LIMA1: variants seen among roughly 807,000 people sequenced by gnomAD.
The protein encoded by LIMA1 is LIM domain and actin binding 1, also known as LIM domain and actin-binding protein 1.
In LIMA1, 52 loss-of-function variants were observed where a neutral mutation model predicts 62.6. The observed-to-expected ratio is 0.83, with a 90% CI of 0.67 to 1.05. The LOEUF is 1.05. Ranked by LOEUF, LIMA1 falls within the 50% of genes least tolerant of loss-of-function variation. The pLI, the probability that LIMA1 is intolerant of heterozygous loss-of-function variation, is 0.00. For missense variants in LIMA1, 780 were observed against 902.2 expected, an observed-to-expected ratio of 0.86 and a Z score of 1.74; for synonymous variants, 302 against 317.8, an observed-to-expected ratio of 0.95 and a Z score of 0.53.
At chr12:50,220,373 T>C (rs1941420616) in intron 4 of LIMA1, 1 of 152,184 alleles carries the variant, frequency 6.6e-6, no homozygotes, top group African/African-American at 2.4e-5. Context: ...TAAGATCTTA[T>C]ATGGAAAGTT....
intron 2 of LIMA1, among the ~76,000 whole-genome samples, chr12:50,232,373 C>CT (rs112911088): frequency 0.021 from 2,946 of 137,054 alleles, 63 homozygotes; most frequent in African/African-American, 0.056. Flanking sequence ...TTTCTTTTTT[C>CT]TTTTTTTTTT....
chr12:50,250,157 G>C (rs896045466), intron 1 of LIMA1, among the ~76,000 whole-genome samples: 2 of 151,892 alleles, frequency 1.3e-5, no homozygotes, highest in African/African-American at 4.8e-5. Context: ...AATTAGCCAG[G>C]AGTGGTAGCG....
At chr12:50,185,772 C>T (rs1940617662) in intron 9 of LIMA1, 1 of 236,708 alleles carries the variant, frequency 4.2e-6, no homozygotes, top group African/African-American at 2.3e-5. Flanking sequence ...AGAGCCTTCA[C>T]CCACATGGAG....
chr12:50,235,427 G>A lies in LIMA1; in HGVS notation c.120-3717C>T, dbSNP rs554789979. On this transcript the variant is annotated intron_variant, in intron 2 of 10. Transcript: ENST00000341247. ...ATTACAGGTGTGCACCGCTATGCCC[G>A]GCTAATTTTTGTTTTTTTACTAGAG... Among the ~76,000 whole-genome samples the A allele has an allele frequency of 4.0e-5, 6 of 151,718 alleles. No individual in the cohort carries two copies. In the East Asian group the frequency reaches 5.8e-4, roughly 15 times the overall value.
chr12:50,237,954 T>C (rs151095582), intron 2 of LIMA1, among the ~76,000 whole-genome samples: 2 of 152,386 alleles, frequency 1.3e-5, no homozygotes, highest in East Asian at 3.9e-4. Flanking sequence ...GACCTAACTA[T>C]AAGAGCTGAA....
chr12:50,251,315 A>T (rs1490082893), intron 1 of LIMA1, among the ~76,000 whole-genome samples: 1 of 152,122 alleles, frequency 6.6e-6, no homozygotes, highest in Admixed American at 6.5e-5. Flanking sequence ...AAAGGGGAAA[A>T]AATATATACA....
chr12:50,272,920 G>A (rs1942231300), intron 1 of LIMA1, among the ~76,000 whole-genome samples: 2 of 149,672 alleles, frequency 1.3e-5, no homozygotes, highest in Admixed American at 1.3e-4. Context: ...CGTTGTGGCG[G>A]GCGCCTGTAG....
At chr12:50,259,617 C>T (rs933511128) in intron 1 of LIMA1, among the ~76,000 whole-genome samples, 10 of 152,230 alleles carry the variant, frequency 6.6e-5, no homozygotes, top group African/African-American at 2.4e-4. Context: ...AATGGAACCA[C>T]TAAATAACAT....
chr12:50,242,438 CT>C (rs1333082857), intron 2 of LIMA1, among the ~76,000 whole-genome samples: 1 of 151,938 alleles, frequency 6.6e-6, no homozygotes, highest in Non-Finnish European at 1.5e-5. Flanking sequence ...TCACTGCAGC[CT>C]TGAGCTTCTG....
intron 4 of LIMA1, 49 bp downstream of exon 4, chr12:50,221,972 T>A: frequency 6.7e-7 from 1 of 1,502,968 alleles, no homozygotes; most frequent in East Asian, 2.3e-5. Flanking sequence ...ACAGCTTTGT[T>A]TAGTGCTTGA....
intron 1 of LIMA1, among the ~76,000 whole-genome samples, chr12:50,267,809 C>T (rs1388059044): frequency 6.6e-6 from 1 of 152,118 alleles, no homozygotes; most frequent in Non-Finnish European, 1.5e-5. Flanking sequence ...TGAGCCACCA[C>T]ACCCAGCCTG....
intron 1 of LIMA1, among the ~76,000 whole-genome samples, chr12:50,275,123 G>C (rs1399899090): frequency 6.6e-6 from 1 of 152,046 alleles, no homozygotes; most frequent in Non-Finnish European, 1.5e-5. Flanking sequence ...TTGGGAAGCT[G>C]AGGTGGGCAG....
intron 10 of LIMA1, 151 bp from the exon 11 acceptor site, chr12:50,178,220 C>T: frequency 3.5e-6 from 2 of 566,970 alleles, no homozygotes; most frequent in East Asian, 3.3e-5. Flanking sequence ...GAATTCCTTA[C>T]CCCCATTTTA....
At chr12:50,185,728 C>G in intron 9 of LIMA1, 1 of 319,130 alleles carries the variant, frequency 3.1e-6, no homozygotes, top group East Asian at 7.9e-5. Context: ...CTTACTACCT[C>G]CCACACCTGA....
At chr12:50,213,279 TTA>T (rs1264632587) in intron 4 of LIMA1, among the ~76,000 whole-genome samples, 2 of 152,260 alleles carry the variant, frequency 1.3e-5, no homozygotes, top group African/African-American at 4.8e-5. Flanking sequence ...ATAGCTGTTT[TTA>T]TGTTTTCAAT....
chr12:50,228,930 C>T (rs1296391246), intron 3 of LIMA1, among the ~76,000 whole-genome samples: 1 of 152,096 alleles, frequency 6.6e-6, no homozygotes, highest in Non-Finnish European at 1.5e-5. Flanking sequence ...CTATATTGCC[C>T]AGGCTGATCT....
chr12:50,193,487 T>TATATATATATCATATATGTGTATATATG, intron 8 of LIMA1, among the ~76,000 whole-genome samples: 1 of 133,840 alleles, frequency 7.5e-6, no homozygotes, highest in Non-Finnish European at 1.5e-5. Context: ...ATATATATAG[T>TATATATATATCATATATGTGTATATATG]ATATATATAT....
chr12:50,178,133 G>A, intron 10 of LIMA1, 64 bp from the exon 11 acceptor site: 3 of 1,263,270 alleles, frequency 2.4e-6, no homozygotes, highest in Admixed American at 5.8e-5. Context: ...ATACCAGGAG[G>A]CTAAAATCTG....
At chr12:50,226,094 T>C (rs1287209741) in intron 3 of LIMA1, among the ~76,000 whole-genome samples, 1 of 152,178 alleles carries the variant, frequency 6.6e-6, no homozygotes, top group Non-Finnish European at 1.5e-5. Context: ...TTGCCCATGC[T>C]AGAGTGCAGT....
Sources: allele counts gnomAD v4.1 joint callset (sites outside exome capture counted in the v4.1 genomes callset), GRCh38; gene constraint gnomAD v4.1.1; transcripts MANE v1.5; gene names NCBI Gene and HGNC (gene_info 2026-07-23, HGNC 2026-07-21).